Variants in NRXN3 observed in about 807,000 individuals in gnomAD.
NRXN3 encodes neurexin III.
NRXN3 carries 32 observed loss-of-function variants against 137.6 expected under a neutral mutation model. The ratio of observed to expected loss-of-function variants is 0.23; its 90% CI spans 0.18 to 0.31. NRXN3 has a LOEUF of 0.31. Among genes scored for constraint, NRXN3 ranks in the 10% least tolerant of loss-of-function variants. The pLI is 1.00. For missense variants in NRXN3, 1,574 were observed against 2,062.5 expected (o/e 0.76, Z 4.59); for synonymous variants, 798 against 784.5 (o/e 1.02, Z -0.29).
At chr14:79,079,521 G>T (rs760585615) in intron 15 of NRXN3, among the ~76,000 whole-genome samples, 10 of 152,072 alleles carry the variant, frequency 6.6e-5, no homozygotes, top group Non-Finnish European at 1.3e-4. Context: ...GTGATATGGA[G>T]AACTTAAATC....
intron 20 of NRXN3, among the ~76,000 whole-genome samples, chr14:79,818,071 T>TG: frequency 6.8e-6 from 1 of 147,384 alleles, no homozygotes; most frequent in Admixed American, 6.8e-5. Flanking sequence ...TTTTTTTTTT[T>TG]TTGAGACGGA....
At chr14:78,676,247 G>A (rs750542588) in intron 6 of NRXN3, among the ~76,000 whole-genome samples, 10 of 152,142 alleles carry the variant, frequency 6.6e-5, no homozygotes, top group Non-Finnish European at 1.5e-4. Flanking sequence ...GTTAAGATAG[G>A]CTGAAAGCTA....
chr14:78,926,610 AT>A (rs1287312628), intron 10 of NRXN3, among the ~76,000 whole-genome samples: 2 of 112,988 alleles, frequency 1.8e-5, no homozygotes, highest in African/African-American at 6.5e-5. Flanking sequence ...ATATATATAT[AT>A]ATAATGTATA....
chr14:79,553,116 A>G (rs1379694519), intron 16 of NRXN3, among the ~76,000 whole-genome samples: 1 of 152,136 alleles, frequency 6.6e-6, no homozygotes, highest in Non-Finnish European at 1.5e-5. Context: ...AGGCCTTTCA[A>G]CCTTCTTTGT....
chr14:78,389,691 T>C (rs2090500916), intron 4 of NRXN3, among the ~76,000 whole-genome samples: 1 of 152,150 alleles, frequency 6.6e-6, no homozygotes, highest in Non-Finnish European at 1.5e-5. Flanking sequence ...TTTCTTTCAA[T>C]TTTGCCTCAA....
intron 4 of NRXN3, among the ~76,000 whole-genome samples, chr14:78,494,692 A>T (rs1391939798): frequency 6.6e-6 from 1 of 152,192 alleles, no homozygotes; most frequent in Non-Finnish European, 1.5e-5. Flanking sequence ...TGATTCAGAT[A>T]GAGATATCTC....
At chr14:78,996,931 C>T (rs10438175) in intron 15 of NRXN3, among the ~76,000 whole-genome samples, 7,325 of 152,142 alleles carry the variant, frequency 0.048, 640 homozygotes, top group African/African-American at 0.17. Flanking sequence ...ATGAAGCTAG[C>T]GGTACTCTTA....
intron 15 of NRXN3, among the ~76,000 whole-genome samples, chr14:79,184,702 G>A (rs987042030): frequency 2.0e-5 from 3 of 152,162 alleles, no homozygotes; most frequent in African/African-American, 7.2e-5. Flanking sequence ...CTGAGGATAC[G>A]TATCAAGGGA....
intron 15 of NRXN3, among the ~76,000 whole-genome samples, chr14:78,999,213 A>G (rs1223834184): frequency 6.6e-6 from 1 of 152,188 alleles, no homozygotes; most frequent in Admixed American, 6.5e-5. Flanking sequence ...CTACATGCCT[A>G]CGGAAGAAAT....
intron 15 of NRXN3, among the ~76,000 whole-genome samples, chr14:79,331,440 T>C (rs1447885191): frequency 6.6e-6 from 1 of 152,198 alleles, no homozygotes; most frequent in African/African-American, 2.4e-5. Context: ...TCAGAGGCCC[T>C]GACTGTTATT....
At chr14:79,581,128 A>G (rs564576271) in intron 16 of NRXN3, among the ~76,000 whole-genome samples, 3 of 152,070 alleles carry the variant, frequency 2.0e-5, no homozygotes, top group Non-Finnish European at 2.9e-5. Flanking sequence ...TGCAGAAATC[A>G]GCTCAACTCT....
chr14:79,476,345 C>A (rs866815547), intron 16 of NRXN3, among the ~76,000 whole-genome samples: 1 of 152,046 alleles, frequency 6.6e-6, no homozygotes, highest in Non-Finnish European at 1.5e-5. Flanking sequence ...GTACCGACAG[C>A]CAGACCTGTC....
intron 8 of NRXN3, among the ~76,000 whole-genome samples, chr14:78,740,110 C>G (rs1456337082): frequency 1.3e-5 from 2 of 152,156 alleles, no homozygotes; most frequent in African/African-American, 4.8e-5. Flanking sequence ...AAAAGAAGCC[C>G]ACATGCAGTT....
chr14:79,170,387 A>C (rs1335216107), intron 15 of NRXN3, among the ~76,000 whole-genome samples: 1 of 152,140 alleles, frequency 6.6e-6, no homozygotes, highest in Non-Finnish European at 1.5e-5. Context: ...TAGAACTCCA[A>C]GTAAACTAGA....
At position 78,453,103 on chromosome 14, in the gene NRXN3, G is replaced by A. The variant is rs371376155; in HGVS notation, c.757+155243G>A. 2.4e-4 allele frequency among the ~76,000 whole-genome samples: 36 copies of A among 152,278 alleles called. No individual in the cohort carries two copies. The East Asian group carries it at 4.6e-3, about 20-fold the overall frequency. On this transcript the variant is annotated intron_variant, in intron 4 of 20. Coordinates refer to ENST00000335750, the MANE Select transcript of NRXN3 (RefSeq NM_001330195.2). Reference sequence around the variant, plus strand: ...CAGAGGGAGAGGGTGGGCCAGATGAGGAGGGTGGTCACCAGGAGTTCTCCT... The same window carrying A: ...CAGAGGGAGAGGGTGGGCCAGATGAAGAGGGTGGTCACCAGGAGTTCTCCT...
intron 20 of NRXN3, among the ~76,000 whole-genome samples, chr14:79,817,531 T>G (rs1268344463): frequency 6.6e-6 from 1 of 152,224 alleles, no homozygotes; most frequent in African/African-American, 2.4e-5. Context: ...GTTAACTACT[T>G]TAATCCTCAC....
At chr14:79,785,319 T>C (rs60327461) in intron 19 of NRXN3, among the ~76,000 whole-genome samples, 2 of 152,174 alleles carry the variant, frequency 1.3e-5, no homozygotes, top group South Asian at 2.1e-4. Context: ...TTACACCTCC[T>C]CTCGGTCCTC....
chr14:79,645,466 A>T (rs1389241204), intron 16 of NRXN3, among the ~76,000 whole-genome samples: 2 of 133,738 alleles, frequency 1.5e-5, no homozygotes, highest in Non-Finnish European at 3.5e-5. Flanking sequence ...AAATACAAAA[A>T]TCAGCCGGGT....
At chr14:79,738,552 G>C (rs1205704977) in intron 19 of NRXN3, among the ~76,000 whole-genome samples, 2 of 152,030 alleles carry the variant, frequency 1.3e-5, no homozygotes, top group African/African-American at 2.4e-5. Flanking sequence ...AAATAAATGT[G>C]TTTTTGTTTT....
Sources: allele counts gnomAD v4.1 joint callset (sites outside exome capture counted in the v4.1 genomes callset), GRCh38; gene constraint gnomAD v4.1.1; transcripts MANE v1.5; gene names NCBI Gene and HGNC (gene_info 2026-07-23, HGNC 2026-07-21).